RIMS2: variants seen among roughly 807,000 people sequenced by gnomAD.
RIMS2 encodes regulating synaptic membrane exocytosis protein 2.
In RIMS2, 59 loss-of-function variants were observed where a neutral mutation model predicts 174.4. The observed-to-expected ratio is 0.34, with a 90% CI of 0.27 to 0.42. The LOEUF is 0.42. Ranked by LOEUF, RIMS2 falls within the 10% of genes least tolerant of loss-of-function variation. RIMS2 has a pLI of 1.00. For missense variants in RIMS2, 1,620 were observed against 1,666.3 expected (o/e 0.97, Z 0.48); for synonymous variants, 606 against 572.5 (o/e 1.06, Z -0.84).
At chr8:104,136,745 G>C (rs1384343949) in intron 19 of RIMS2, among the ~76,000 whole-genome samples, 8 of 152,210 alleles carry the variant, frequency 5.3e-5, no homozygotes, top group African/African-American at 1.9e-4. Context: ...GGAGTTAAAT[G>C]ATGAGAACAC....
intron 1 of RIMS2, among the ~76,000 whole-genome samples, chr8:103,630,534 C>T (rs561471683): frequency 3.4e-5 from 5 of 145,042 alleles, no homozygotes; most frequent in East Asian, 4.1e-4. Flanking sequence ...GAGCCGAGAT[C>T]GTCCCATTGC....
chr8:104,204,538 TA>T (rs1194360638), intron 19 of RIMS2, among the ~76,000 whole-genome samples: 1 of 152,138 alleles, frequency 6.6e-6, no homozygotes, highest in Non-Finnish European at 1.5e-5. Flanking sequence ...GTGACTATAT[TA>T]AAAAATTTAC....
chr8:103,587,938 A>G (rs560006522), intron 1 of RIMS2, among the ~76,000 whole-genome samples: 1 of 152,140 alleles, frequency 6.6e-6, no homozygotes, highest in South Asian at 2.1e-4. Flanking sequence ...AATAAAGGAT[A>G]TCTAAATTGG....
At chr8:104,217,968 A>G (rs1006972370) in intron 19 of RIMS2, among the ~76,000 whole-genome samples, 2 of 152,230 alleles carry the variant, frequency 1.3e-5, no homozygotes, top group Non-Finnish European at 2.9e-5. Context: ...CCAAACCAAA[A>G]TATATCCACA....
intron 3 of RIMS2, among the ~76,000 whole-genome samples, chr8:103,869,045 A>G (rs995406216): frequency 6.6e-6 from 1 of 151,910 alleles, no homozygotes; most frequent in South Asian, 2.1e-4. Flanking sequence ...CAGCTCTTTA[A>G]TTAGCTTTAA....
intron 19 of RIMS2, among the ~76,000 whole-genome samples, chr8:104,044,924 A>G (rs1453520231): frequency 4.6e-5 from 7 of 151,834 alleles, no homozygotes; most frequent in Admixed American, 2.6e-4. Flanking sequence ...ACATTCAGAG[A>G]AAAAGGAAAT....
At chr8:103,802,929 G>T (rs962673780) in intron 3 of RIMS2, among the ~76,000 whole-genome samples, 5 of 152,118 alleles carry the variant, frequency 3.3e-5, no homozygotes, top group Non-Finnish European at 7.3e-5. Context: ...ATTTTCCAAG[G>T]ATTCAGGCAT....
intron 1 of RIMS2, among the ~76,000 whole-genome samples, chr8:103,641,042 C>A (rs532361380): frequency 6.6e-6 from 1 of 152,212 alleles, no homozygotes; most frequent in East Asian, 1.9e-4. Flanking sequence ...TATGCACACA[C>A]ACATTAAGGA....
At chr8:103,685,363 A>G (rs2096929190) in intron 1 of RIMS2, among the ~76,000 whole-genome samples, 1 of 152,016 alleles carries the variant, frequency 6.6e-6, no homozygotes. Context: ...ACTTTTTAAA[A>G]CAACTAGTTC....
chr8:104,112,305 C>A (rs1458934758), intron 19 of RIMS2, among the ~76,000 whole-genome samples: 4 of 151,990 alleles, frequency 2.6e-5, no homozygotes, highest in Non-Finnish European at 5.9e-5. Context: ...ATGATTTTAA[C>A]AAATAATAAT....
chr8:103,848,842 T>C (rs2098982026), intron 3 of RIMS2, among the ~76,000 whole-genome samples: 2 of 152,062 alleles, frequency 1.3e-5, no homozygotes, highest in Admixed American at 1.3e-4. Context: ...CTGTCAATGT[T>C]ATAATTAAAT....
chr8:103,578,572 CAAAA>C (rs369564461), intron 1 of RIMS2, among the ~76,000 whole-genome samples: 136 of 151,818 alleles, frequency 9.0e-4, no homozygotes, highest in African/African-American at 3.2e-3. Context: ...ACAACAACAA[CAAAA>C]AACCCAACAA....
chr8:103,593,159 T>A (rs1056595244), intron 1 of RIMS2, among the ~76,000 whole-genome samples: 2 of 151,458 alleles, frequency 1.3e-5, no homozygotes, highest in East Asian at 3.8e-4. Context: ...AAGTAAAAAT[T>A]AGAATTTTGG....
At chr8:103,831,218 C>T (rs1457824359) in intron 3 of RIMS2, among the ~76,000 whole-genome samples, 2 of 152,076 alleles carry the variant, frequency 1.3e-5, no homozygotes, top group African/African-American at 2.4e-5. Context: ...GTTTTTTGTA[C>T]TTGTTCTGTG....
rs1211277433 is a variant in RIMS2 at position 104,093,463 on chromosome 8, G to A, written c.3334+78848G>A. ...AACTTCTGCGTATTTGTCAATCTGT[G>A]TTAACAGTATCGATCAGGATGGGAT... On this transcript the variant is annotated intron_variant, in intron 19 of 23. Transcript: ENST00000504942. The A allele has an allele frequency of 6.3e-7, 1 of 1,588,958 alleles. No individual in the cohort carries two copies. Among genetic ancestry groups the A allele is most frequent in the Admixed American group, 1.7e-5 (1 of 59,388 alleles).
intron 2 of RIMS2, among the ~76,000 whole-genome samples, chr8:103,717,700 C>A (rs2097390205): frequency 1.3e-5 from 2 of 152,122 alleles, no homozygotes; most frequent in African/African-American, 4.8e-5. Flanking sequence ...ATATTTCAAA[C>A]TAAATATTGA....
chr8:103,557,716 C>T (rs2090753304), intron 1 of RIMS2, among the ~76,000 whole-genome samples: 1 of 152,086 alleles, frequency 6.6e-6, no homozygotes, highest in South Asian at 2.1e-4. Context: ...TTATTCAACA[C>T]TTTTCACTTA....
intron 1 of RIMS2, among the ~76,000 whole-genome samples, chr8:103,678,989 A>C (rs2096847710): frequency 6.6e-6 from 1 of 152,052 alleles, no homozygotes; most frequent in Non-Finnish European, 1.5e-5. Flanking sequence ...TAATCTATAA[A>C]TATAATGCAA....
chr8:104,192,661 A>G (rs1394148904), intron 19 of RIMS2, among the ~76,000 whole-genome samples: 1 of 152,190 alleles, frequency 6.6e-6, no homozygotes, highest in Admixed American at 6.5e-5. Flanking sequence ...GATGAAACCC[A>G]GAATCTAATG....
Sources: gnomAD v4.1 joint callset for allele counts (sites outside exome capture counted in the v4.1 genomes callset) on GRCh38, gnomAD v4.1.1 for gene constraint, MANE v1.5 for transcripts, NCBI Gene and HGNC (gene_info 2026-07-23, HGNC 2026-07-21) for gene names.